Variants in PTPRD observed in about 807,000 individuals in gnomAD.
PTPRD encodes protein tyrosine phosphatase receptor type D, also known as receptor-type tyrosine-protein phosphatase delta.
A neutral mutation model predicts 214.5 loss-of-function variants in PTPRD; 34 were observed. The observed-to-expected ratio is 0.16, with a 90% confidence interval of 0.12 to 0.21. PTPRD has a LOEUF of 0.21. Ranked by LOEUF, PTPRD falls within the 10% of genes least tolerant of loss-of-function variation. The pLI is 1.00. For synonymous variants in PTPRD, 1,128 were observed against 845.7 expected, an observed-to-expected ratio of 1.33 and a Z score of -5.79; for missense variants, 2,545 against 2,398.7, an observed-to-expected ratio of 1.06 and a Z score of -1.27.
chr9:9,874,595 A>G (rs1044002335), intron 5 of PTPRD, among the ~76,000 whole-genome samples: 2 of 152,222 alleles, frequency 1.3e-5, no homozygotes, highest in East Asian at 3.8e-4. Flanking sequence ...CTCAACTTAC[A>G]TCATTCTAAT....
At position 9,500,326 on chromosome 9, in the gene PTPRD, C is replaced by T. The variant is rs115993172; in HGVS notation, c.-237+74406G>A. 3.7e-3 allele frequency among the ~76,000 whole-genome samples: 566 copies of T among 152,138 alleles called. 2 individuals are homozygous for T. The highest frequency in any genetic ancestry group is 0.013 in the African/African-American group (520 of 41,504). ...TGAAGCGAGTATTTCAGGCACTGGA[C>T]GATATGCATTCCAGGGTAATGATTT... On this transcript the variant is annotated intron_variant, in intron 8 of 45. Transcript: ENST00000381196.
At chr9:10,445,090 G>A (rs1471059666) in intron 2 of PTPRD, among the ~76,000 whole-genome samples, 3 of 152,074 alleles carry the variant, frequency 2.0e-5, no homozygotes, top group Middle Eastern at 3.4e-3. Flanking sequence ...TAAATAAGGT[G>A]CTTTGGTGAG....
intron 2 of PTPRD, among the ~76,000 whole-genome samples, chr9:10,444,378 T>G (rs964867152): frequency 6.6e-6 from 1 of 151,800 alleles, no homozygotes; most frequent in East Asian, 1.9e-4. Context: ...TAGTGGTAAG[T>G]AGATAAAAAC....
intron 2 of PTPRD, among the ~76,000 whole-genome samples, chr9:10,478,881 C>G (rs771349413): frequency 6.6e-6 from 1 of 151,666 alleles, no homozygotes; most frequent in Non-Finnish European, 1.5e-5. Context: ...TATTTACTAT[C>G]CAGTGAGATC....
chr9:9,724,749 C>T (rs2098045721), intron 7 of PTPRD, among the ~76,000 whole-genome samples: 1 of 152,140 alleles, frequency 6.6e-6, no homozygotes, highest in Admixed American at 6.6e-5. Flanking sequence ...ATCTTTACAA[C>T]TGCTCTTTAA....
intron 14 of PTPRD, among the ~76,000 whole-genome samples, chr9:8,538,334 G>A (rs2077449960): frequency 6.6e-6 from 1 of 151,748 alleles, no homozygotes; most frequent in East Asian, 1.9e-4. Context: ...TAGAAAAAGA[G>A]GCACAAAGAC....
At chr9:9,516,680 G>A (rs1203849710) in intron 8 of PTPRD, among the ~76,000 whole-genome samples, 1 of 152,032 alleles carries the variant, frequency 6.6e-6, no homozygotes, top group East Asian at 1.9e-4. Flanking sequence ...TGGGACTACA[G>A]GCGTGGGCCA....
At chr9:9,008,200 C>G (rs1379685067) in intron 11 of PTPRD, among the ~76,000 whole-genome samples, 1 of 43,740 alleles carries the variant, frequency 2.3e-5, no homozygotes, top group African/African-American at 5.8e-5. Context: ...GCCTTCTCCC[C>G]TTCATTTTAT....
chr9:9,522,360 G>C (rs989154945), intron 8 of PTPRD, among the ~76,000 whole-genome samples: 1 of 152,084 alleles, frequency 6.6e-6, no homozygotes, highest in African/African-American at 2.4e-5. Context: ...ATATGTTGTA[G>C]AGGGAACTCT....
rs150387908 is a variant in PTPRD at position 9,080,487 on chromosome 9, C to T, written c.-142-61752G>A. Among the ~76,000 whole-genome samples the T allele has an allele frequency of 5.7e-3, 870 of 152,142 alleles. 10 individuals are homozygous for T. The highest frequency in any genetic ancestry group is 7.4e-3 in the Non-Finnish European group (506 of 67,962). The stretch of plus-strand genomic sequence containing the variant: ...CCCTTTACAACTTTAGAAATGATAT[C>T]CTATCATCTTATTATCCTCTTTTTT... On this transcript the variant is annotated intron_variant, in intron 10 of 45. Coordinates refer to ENST00000381196, the MANE Select transcript of PTPRD (RefSeq NM_002839.4).
chr9:9,655,562 C>G (rs192827407), intron 7 of PTPRD, among the ~76,000 whole-genome samples: 1 of 150,168 alleles, frequency 6.7e-6, no homozygotes, highest in Non-Finnish European at 1.5e-5. Flanking sequence ...AAATGAGACT[C>G]CATCTCAAAG....
chr9:8,730,578 G>A (rs1049201710), intron 12 of PTPRD, among the ~76,000 whole-genome samples: 1 of 152,220 alleles, frequency 6.6e-6, no homozygotes, highest in Admixed American at 6.5e-5. Flanking sequence ...TGACAAAGAA[G>A]ATGCTAACAG....
chr9:10,419,388 G>A (rs1271081668), intron 2 of PTPRD, among the ~76,000 whole-genome samples: 1 of 151,768 alleles, frequency 6.6e-6, no homozygotes. Context: ...ACAGTAGAAG[G>A]CATAGTTCCG....
intron 2 of PTPRD, among the ~76,000 whole-genome samples, chr9:10,610,155 G>A (rs1028940917): frequency 6.6e-6 from 1 of 152,062 alleles, no homozygotes; most frequent in African/African-American, 2.4e-5. Flanking sequence ...ACAGAGAGCT[G>A]GTGGCCAAAA....
intron 7 of PTPRD, among the ~76,000 whole-genome samples, chr9:9,600,827 T>A (rs2093692321): frequency 6.6e-6 from 1 of 152,118 alleles, no homozygotes; most frequent in Admixed American, 6.6e-5. Context: ...TGGTCTGGCT[T>A]CTAAATAGTT....
At chr9:8,449,924 C>A (rs910472234) in intron 33 of PTPRD, 87 bp from the exon 34 acceptor site, 20 of 1,299,298 alleles carry the variant, frequency 1.5e-5, no homozygotes, top group Non-Finnish European at 2.0e-5. Flanking sequence ...GCACTCCCCC[C>A]ACCTCCCAAG....
chr9:9,711,743 G>A (rs544770445), intron 7 of PTPRD, among the ~76,000 whole-genome samples: 3 of 152,258 alleles, frequency 2.0e-5, no homozygotes, highest in East Asian at 1.9e-4. Context: ...TAAGCGTTCT[G>A]TAATATATAT....
intron 3 of PTPRD, among the ~76,000 whole-genome samples, chr9:10,041,798 G>T (rs2097301019): frequency 6.6e-6 from 1 of 151,988 alleles, no homozygotes; most frequent in Non-Finnish European, 1.5e-5. Context: ...ATTTCTTAAA[G>T]TTAATGTAAC....
chr9:9,565,482 A>G (rs1231684425), intron 8 of PTPRD, among the ~76,000 whole-genome samples: 3 of 151,932 alleles, frequency 2.0e-5, no homozygotes, highest in African/African-American at 7.2e-5. Flanking sequence ...ATACCTCACA[A>G]TCTGAATGCA....
Sources: gnomAD v4.1 joint callset for allele counts (sites outside exome capture counted in the v4.1 genomes callset) on GRCh38, gnomAD v4.1.1 for gene constraint, MANE v1.5 for transcripts, NCBI Gene and HGNC (gene_info 2026-07-23, HGNC 2026-07-21) for gene names.